Variants in VAV3 observed in about 807,000 individuals in gnomAD.
The protein encoded by VAV3 is guanine nucleotide exchange factor VAV3.
Under a neutral mutation model 131.2 loss-of-function variants are expected in VAV3, and 94 were observed. The ratio of observed to expected loss-of-function variants is 0.72; its 90% confidence interval spans 0.61 to 0.85. The LOEUF (loss-of-function observed/expected upper bound fraction) is 0.85. Ranked by LOEUF, VAV3 falls within the 40% of genes least tolerant of loss-of-function variation. The pLI, the probability that VAV3 is intolerant of heterozygous loss-of-function variation, is 0.00. For synonymous variants in VAV3, 349 were observed against 342.0 expected (o/e 1.02, Z -0.22); for missense variants, 939 against 1,002.7 (o/e 0.94, Z 0.86).
intron 3 of VAV3, among the ~76,000 whole-genome samples, chr1:107,778,330 G>A (rs1346035195): frequency 6.6e-6 from 1 of 151,878 alleles, no homozygotes; most frequent in East Asian, 1.9e-4. Context: ...AGAAAATATA[G>A]ATGAGAAAAA....
At position 107,757,332 on chromosome 1, in the gene VAV3, A is replaced by G. The variant is rs1664168041; in HGVS notation, c.1018-3T>C. 1 of 1,611,170 alleles carries G rather than the reference A, an allele frequency of 6.2e-7. No individual in the cohort carries two copies. The highest frequency in any genetic ancestry group is 8.5e-7 in the Non-Finnish European group (1 of 1,179,066). ...TCAGTGGTATGTTTGACCAGTTCCT[A>G]TTTGGAAGATATGGTTTAGTACTAC... is the stretch of plus-strand genomic sequence containing the variant. On this transcript the variant is annotated splice_region_variant and splice_polypyrimidine_tract_variant and intron_variant, in intron 10 of 26. Transcript: ENST00000370056.
At chr1:107,712,603 A>C (rs1186547976) in intron 15 of VAV3, among the ~76,000 whole-genome samples, 2 of 152,254 alleles carry the variant, frequency 1.3e-5, no homozygotes, top group Non-Finnish European at 2.9e-5. Context: ...AAGGGGACCG[A>C]ATATGTGCAA....
intron 2 of VAV3, among the ~76,000 whole-genome samples, chr1:107,834,272 T>C (rs1340398776): frequency 6.6e-6 from 1 of 152,138 alleles, no homozygotes; most frequent in Non-Finnish European, 1.5e-5. Context: ...CATATACCTG[T>C]TCTGAATGTC....
rs1417063539 is a variant in VAV3 at position 107,936,787 on chromosome 1, T to C, written c.204+27879A>G. ...AGGATGTCCTGAGAGTAGAATTCCC[T>C]GCACTTCCTTTCCTGGTTGGAATTT... is the stretch of plus-strand genomic sequence containing the variant. On this transcript the variant is annotated intron_variant, in intron 1 of 26. Coordinates refer to ENST00000370056, the MANE Select transcript of VAV3 (RefSeq NM_006113.5). Among the ~76,000 whole-genome samples, 11 of 152,304 alleles carry C rather than the reference T, an allele frequency of 7.2e-5. No individual in the cohort carries two copies. In the East Asian group the frequency reaches 1.5e-3, roughly 21 times the overall value.
intron 19 of VAV3, among the ~76,000 whole-genome samples, chr1:107,664,027 T>C (rs1186450831): frequency 2.6e-5 from 4 of 152,152 alleles, no homozygotes; most frequent in East Asian, 1.9e-4. Flanking sequence ...GTCTCAAAAA[T>C]AAGCAATTAG....
At chr1:107,895,405 G>T (rs1186693304) in intron 1 of VAV3, among the ~76,000 whole-genome samples, 2 of 152,100 alleles carry the variant, frequency 1.3e-5, no homozygotes, top group Non-Finnish European at 2.9e-5. Flanking sequence ...ATAATTAGTA[G>T]AACTAACACT....
At chr1:107,713,343 A>G (rs960897413) in intron 15 of VAV3, among the ~76,000 whole-genome samples, 5 of 152,206 alleles carry the variant, frequency 3.3e-5, no homozygotes, top group Non-Finnish European at 5.9e-5. Context: ...ACTTAGAAAA[A>G]CAAACCCAAA....
intron 2 of VAV3, among the ~76,000 whole-genome samples, chr1:107,845,648 A>G (rs1668930160): frequency 6.6e-6 from 1 of 152,152 alleles, no homozygotes; most frequent in African/African-American, 2.4e-5. Flanking sequence ...AACTTCATGA[A>G]GCATACACAA....
At chr1:107,704,675 T>C (rs1251495086) in intron 16 of VAV3, 25 bp from the exon 17 acceptor site, 1 of 1,578,640 alleles carries the variant, frequency 6.3e-7, no homozygotes, top group East Asian at 2.2e-5. Context: ...AAGAAAGTGG[T>C]ATATTAAACG....
At chr1:107,642,198 G>T (rs551668165) in intron 20 of VAV3, among the ~76,000 whole-genome samples, 1 of 152,046 alleles carries the variant, frequency 6.6e-6, no homozygotes, top group Non-Finnish European at 1.5e-5. Context: ...ATAGGAGGTT[G>T]GCACAAGATA....
At position 107,903,799 on chromosome 1, in the gene VAV3, A is replaced by G. The variant is rs1571119115; in HGVS notation, c.205-28782T>C. 2.0e-5 allele frequency among the ~76,000 whole-genome samples: 3 copies of G among 152,038 alleles called. No individual in the cohort carries two copies. The South Asian group carries it at 6.2e-4, about 32-fold the overall frequency. Reference sequence around the variant, plus strand: ...AAATTTATATTTTCTGAGAACTGACACCTCCATTTGTGTAAATAAATTAAT... The same window carrying G: ...AAATTTATATTTTCTGAGAACTGACGCCTCCATTTGTGTAAATAAATTAAT... On this transcript the variant is annotated intron_variant, in intron 1 of 26. Transcript: ENST00000370056.
chr1:107,951,183 ACT>A (rs918299186), intron 1 of VAV3, among the ~76,000 whole-genome samples: 1 of 151,598 alleles, frequency 6.6e-6, no homozygotes, highest in East Asian at 1.9e-4. Context: ...ATCTCACATA[ACT>A]CTCTCTCTAC....
chr1:107,770,288 C>G (rs367840644), intron 6 of VAV3, among the ~76,000 whole-genome samples: 11 of 152,250 alleles, frequency 7.2e-5, no homozygotes, highest in African/African-American at 2.2e-4. Flanking sequence ...GCCCTCCCCC[C>G]CCATCACTCT....
At chr1:107,942,303 C>G (rs1312052666) in intron 1 of VAV3, among the ~76,000 whole-genome samples, 1 of 152,130 alleles carries the variant, frequency 6.6e-6, no homozygotes, top group East Asian at 1.9e-4. Flanking sequence ...TGAGATCCCA[C>G]AGCGAGAAGA....
intron 2 of VAV3, among the ~76,000 whole-genome samples, chr1:107,820,333 AT>A (rs1348515090): frequency 6.6e-6 from 1 of 152,204 alleles, no homozygotes; most frequent in African/African-American, 2.4e-5. Flanking sequence ...ACTGGAGGAC[AT>A]TATGCTAAGT....
chr1:107,714,691 C>T lies in VAV3; in HGVS notation c.1503-9630G>A, dbSNP rs146842692. 4.5e-3 allele frequency among the ~76,000 whole-genome samples: 680 copies of T among 151,886 alleles called. 8 individuals carry two copies. Among genetic ancestry groups the T allele is most frequent in the African/African-American group, 0.016 (655 of 41,454 alleles). On this transcript the variant is annotated intron_variant, in intron 15 of 26. Transcript: ENST00000370056. Reference sequence around the variant, plus strand: ...CTGGTTATTTGAAAGGGCAAGAAAACGAAAAACAAACGGGTCCTTCAAAAA... The same window carrying T: ...CTGGTTATTTGAAAGGGCAAGAAAATGAAAAACAAACGGGTCCTTCAAAAA...
intron 25 of VAV3, chr1:107,578,889 T>C (rs1649840582): frequency 1.0e-6 from 1 of 985,208 alleles, no homozygotes; most frequent in African/African-American, 1.7e-5. Flanking sequence ...AAGTTAGCTC[T>C]AGAAGAGAGA....
At chr1:107,635,483 G>T (rs996534994) in intron 20 of VAV3, among the ~76,000 whole-genome samples, 1 of 107,688 alleles carries the variant, frequency 9.3e-6, no homozygotes, top group Admixed American at 1.2e-4. Flanking sequence ...GGTGGGGGGA[G>T]GGGGGAGGGA....
chr1:107,784,611 C>A (rs960740379), intron 2 of VAV3, among the ~76,000 whole-genome samples: 1 of 152,114 alleles, frequency 6.6e-6, no homozygotes, highest in Non-Finnish European at 1.5e-5. Flanking sequence ...AAACATAAGC[C>A]GTGCCAGTGA....
Sources: allele counts gnomAD v4.1 joint callset (sites outside exome capture counted in the v4.1 genomes callset), GRCh38; gene constraint gnomAD v4.1.1; transcripts MANE v1.5; gene names NCBI Gene and HGNC (gene_info 2026-07-23, HGNC 2026-07-21).